Variants in PLEKHG7 observed in about 807,000 individuals in gnomAD.
The protein encoded by PLEKHG7 is pleckstrin homology domain-containing family G member 7.
Under a neutral mutation model 85.2 loss-of-function variants are expected in PLEKHG7, and 77 were observed. The observed-to-expected ratio is 0.90, with a 90% CI of 0.75 to 1.09. PLEKHG7 has a LOEUF of 1.09. Among genes scored for constraint, PLEKHG7 ranks in the 50% least tolerant of loss-of-function variants. The probability of loss-of-function intolerance (pLI) is 0.00; values close to 1 mark genes in which losing one functional copy is unlikely to be tolerated. For synonymous variants in PLEKHG7, 301 were observed against 302.4 expected, an observed-to-expected ratio of 1.00 and a Z score of 0.05; for missense variants, 777 against 804.3, an observed-to-expected ratio of 0.97 and a Z score of 0.41.
At chr12:92,740,417 A>T (rs1468821056) in intron 7 of PLEKHG7, among the ~76,000 whole-genome samples, 2 of 152,244 alleles carry the variant, frequency 1.3e-5, no homozygotes, top group Non-Finnish European at 2.9e-5. Flanking sequence ...AGATTAACTC[A>T]TTAAATATCT....
intron 13 of PLEKHG7, among the ~76,000 whole-genome samples, chr12:92,761,024 G>A (rs1036807654): frequency 3.3e-5 from 5 of 152,198 alleles, no homozygotes; most frequent in South Asian, 2.1e-4. Flanking sequence ...AAGACAAGGA[G>A]TGGGGGATAG....
chr12:92,770,194 A>G lies in PLEKHG7; in HGVS notation c.2075A>G (p.Ter692TrpextTer10). The G allele has an allele frequency of 6.3e-7, 1 of 1,578,360 alleles. No homozygotes were observed. Among genetic ancestry groups the G allele is most frequent in the Non-Finnish European group, 8.7e-7 (1 of 1,154,836 alleles). ...FTLPAESSEI* is the reference protein window; with the variant it reads ...FTLPAESSEIW Reference sequence around the variant, plus strand: ...TTGCCCGCAGAATCCTCTGAAATTTAGGGACCTAAAACAAGTGGCATGTCT... The same window carrying G: ...TTGCCCGCAGAATCCTCTGAAATTTGGGGACCTAAAACAAGTGGCATGTCT... Residue 692 changes from the stop codon to tryptophan, a stop_lost, in exon 17 of 17, where the codon TAG (stop) becomes TGG (tryptophan). Transcript: ENST00000344636.
chr12:92,738,917 CAGTT>C (rs1479828790), intron 7 of PLEKHG7, among the ~76,000 whole-genome samples: 1 of 152,172 alleles, frequency 6.6e-6, no homozygotes, highest in Non-Finnish European at 1.5e-5. Flanking sequence ...GAGACAATAT[CAGTT>C]AGGATGCTTA....
chr12:92,761,724 C>G, intron 13 of PLEKHG7, 28 bp from the exon 14 acceptor site: 1 of 1,541,186 alleles, frequency 6.5e-7, no homozygotes, highest in Admixed American at 2.2e-5. Context: ...TTTCAGGTCC[C>G]CATTTCAGCT....
Position 92,722,230 on chromosome 12 carries a change from C to T in PLEKHG7, c.531-6763C>T, listed in dbSNP as rs1871669485. Among the ~76,000 whole-genome samples the T allele has an allele frequency of 2.0e-5, 3 of 152,058 alleles. No homozygotes were observed. In the South Asian group the frequency reaches 6.3e-4, roughly 32 times the overall value. On this transcript the variant is annotated intron_variant, in intron 3 of 16. Coordinates refer to ENST00000344636, the MANE Select transcript of PLEKHG7 (RefSeq NM_001377329.1). ...CCGAGCAACCCCAGCTGACACAGAC[C>T]CGGGTCTTTTCTAGAGTGCCCAGAA...
intron 10 of PLEKHG7, among the ~76,000 whole-genome samples, chr12:92,753,051 G>C (rs1278158297): frequency 6.6e-6 from 1 of 152,184 alleles, no homozygotes; most frequent in Non-Finnish European, 1.5e-5. Context: ...TGAAGGTTAG[G>C]ATTTTATTAG....
chr12:92,766,348 A>G (rs1720562810), intron 15 of PLEKHG7, among the ~76,000 whole-genome samples: 1 of 152,228 alleles, frequency 6.6e-6, no homozygotes, highest in African/African-American at 2.4e-5. Context: ...GTGGCCTGAC[A>G]CATAGACTTG....
intron 11 of PLEKHG7, among the ~76,000 whole-genome samples, chr12:92,754,674 G>A (rs1033352059): frequency 2.0e-5 from 3 of 152,084 alleles, no homozygotes; most frequent in South Asian, 2.1e-4. Context: ...TTAAATCACC[G>A]AAAGCCAGGG....
intron 4 of PLEKHG7, among the ~76,000 whole-genome samples, chr12:92,729,472 C>T (rs79951558): frequency 0.017 from 2,481 of 150,130 alleles, 59 homozygotes; most frequent in African/African-American, 0.056. Flanking sequence ...TTATTGCTGT[C>T]ATGTTCATCT....
intron 3 of PLEKHG7, among the ~76,000 whole-genome samples, chr12:92,723,481 A>T (rs1871702601): frequency 1.3e-5 from 2 of 152,232 alleles, no homozygotes. Flanking sequence ...AAAGAGTGTC[A>T]GTCTAATGGA....
At chr12:92,733,312 A>G (rs754637317) in intron 5 of PLEKHG7, among the ~76,000 whole-genome samples, 3 of 152,208 alleles carry the variant, frequency 2.0e-5, no homozygotes, top group Non-Finnish European at 2.9e-5. Context: ...CTGAGCACAC[A>G]CAGACGCTCA....
chr12:92,731,894 C>A (rs1376278873), intron 4 of PLEKHG7, among the ~76,000 whole-genome samples: 1 of 152,094 alleles, frequency 6.6e-6, no homozygotes, highest in South Asian at 2.1e-4. Context: ...GCTTTGGCTC[C>A]CTGTCTTAAA....
In PLEKHG7 at chr12:92,766,516, C is replaced by CT. The variant is rs530368756; in HGVS notation, c.1870+2333dup. ...GATGCATGTTTTTTCTCCTCTATTT[C>CT]TTTTTTTTTTTAATTAAAAGATCTT... On this transcript the variant is annotated intron_variant, in intron 15 of 16. Transcript: ENST00000344636. 2.2e-3 allele frequency among the ~76,000 whole-genome samples: 326 copies of CT among 147,028 alleles called. 2 individuals carry two copies. Among genetic ancestry groups the CT allele is most frequent in the South Asian group, 0.019 (89 of 4,642 alleles).
intron 10 of PLEKHG7, among the ~76,000 whole-genome samples, chr12:92,750,702 A>T (rs908970985): frequency 6.6e-6 from 1 of 152,168 alleles, no homozygotes; most frequent in South Asian, 2.1e-4. Context: ...GTGAGTCAAC[A>T]TGGAAATCAG....
At chr12:92,747,257 A>T (rs1420979527) in intron 10 of PLEKHG7, among the ~76,000 whole-genome samples, 4 of 15,958 alleles carry the variant, frequency 2.5e-4, no homozygotes, top group Non-Finnish European at 4.6e-4. Flanking sequence ...CAACAGGTAT[A>T]TGAAAAAAAA....
rs537905541 is a variant in PLEKHG7 at position 92,737,297 on chromosome 12, A to G, written c.796-81A>G. The G allele has an allele frequency of 4.1e-6, 5 of 1,207,330 alleles. No homozygotes were observed. In the South Asian group the frequency reaches 1.3e-4, roughly 31 times the overall value. 74.8% of individuals were successfully genotyped at this position (1,207,330 alleles called of 1,614,324 possible). On this transcript the variant is annotated intron_variant, in intron 6 of 16. Coordinates refer to ENST00000344636, the MANE Select transcript of PLEKHG7 (RefSeq NM_001377329.1). ...TTCGGGGGTTGCTTGGTCCTTTGGA[A>G]CTGCAAGCCAAAGCAAATAGCCAAC...
At chr12:92,745,751 C>T (rs538237178) in intron 10 of PLEKHG7, among the ~76,000 whole-genome samples, 160 bp downstream of exon 10, 10 of 152,226 alleles carry the variant, frequency 6.6e-5, no homozygotes, top group Admixed American at 2.6e-4. Flanking sequence ...ATACATTGTC[C>T]ACTGCACACT....
At chr12:92,747,247 C>T (rs1298209103) in intron 10 of PLEKHG7, among the ~76,000 whole-genome samples, 2 of 97,266 alleles carry the variant, frequency 2.1e-5, no homozygotes, top group African/African-American at 8.5e-5. Context: ...TACAAATGGC[C>T]AACAGGTATA....
At chr12:92,725,319 G>T (rs7312366) in intron 3 of PLEKHG7, among the ~76,000 whole-genome samples, 3,559 of 152,272 alleles carry the variant, frequency 0.023, 144 homozygotes, top group African/African-American at 0.079. Flanking sequence ...GATCACGGAA[G>T]GCTTGTGTTT....
Sources: gnomAD v4.1 joint callset for allele counts (sites outside exome capture counted in the v4.1 genomes callset) on GRCh38, gnomAD v4.1.1 for gene constraint, MANE v1.5 for transcripts, NCBI Gene and HGNC (gene_info 2026-07-23, HGNC 2026-07-21) for gene names.